STAP1: variants seen among roughly 807,000 people sequenced by gnomAD.
STAP1 encodes signal transducing adaptor family member 1.
Under a neutral mutation model 37.8 loss-of-function variants are expected in STAP1, and 30 were observed. The observed-to-expected ratio is 0.79, with a 90% CI of 0.59 to 1.08. The LOEUF (loss-of-function observed/expected upper bound fraction) is 1.08, where lower values mean the gene tolerates loss of function less well. Among genes scored for constraint, STAP1 ranks in the 50% least tolerant of loss-of-function variants. The probability of loss-of-function intolerance (pLI) is 0.00; values close to 1 mark genes in which losing one functional copy is unlikely to be tolerated. For synonymous variants in STAP1, 130 were observed against 116.0 expected, an observed-to-expected ratio of 1.12 and a Z score of -0.78; for missense variants, 357 against 349.4, an observed-to-expected ratio of 1.02 and a Z score of -0.17.
chr4:67,602,757 C>G (rs1288054658), intron 8 of STAP1, among the ~76,000 whole-genome samples: 1 of 152,152 alleles, frequency 6.6e-6, no homozygotes, highest in Non-Finnish European at 1.5e-5. Context: ...GCTGAGCTGC[C>G]TGGAGCTGGG....
At chr4:67,592,725 C>A (rs111364907) in intron 7 of STAP1, among the ~76,000 whole-genome samples, 181 of 152,242 alleles carry the variant, frequency 1.2e-3, no homozygotes, top group African/African-American at 4.1e-3. Context: ...TACCCTGTCA[C>A]CCAGGCTGGG....
At chr4:67,575,311 T>G (rs1246400652) in intron 2 of STAP1, 74 bp from the exon 3 acceptor site, 1 of 944,018 alleles carries the variant, frequency 1.1e-6, no homozygotes, top group African/African-American at 1.7e-5. Flanking sequence ...AGATATTACT[T>G]ATTTTGCTTC....
intron 8 of STAP1, among the ~76,000 whole-genome samples, chr4:67,597,110 C>T (rs1422352955): frequency 6.6e-6 from 1 of 152,180 alleles, no homozygotes; most frequent in Non-Finnish European, 1.5e-5. Context: ...GTGGGCTGGA[C>T]CCAGGGCCCC....
chr4:67,589,912 G>A (rs1057304669), intron 6 of STAP1, among the ~76,000 whole-genome samples: 13 of 151,606 alleles, frequency 8.6e-5, no homozygotes, highest in East Asian at 3.9e-4. Flanking sequence ...GCAATGATTC[G>A]CCCACCTAAC....
At chr4:67,591,667 G>T (rs1728121752) in intron 7 of STAP1, among the ~76,000 whole-genome samples, 1 of 152,202 alleles carries the variant, frequency 6.6e-6, no homozygotes, top group African/African-American at 2.4e-5. Context: ...GGTGGGTCTT[G>T]AAGATATTTA....
At chr4:67,597,100 G>T (rs559667357) in intron 8 of STAP1, among the ~76,000 whole-genome samples, 1 of 152,326 alleles carries the variant, frequency 6.6e-6, no homozygotes, top group Admixed American at 6.5e-5. Context: ...AAATAGTTTT[G>T]TGGGCTGGAC....
rs368496413 is a variant in STAP1 at position 67,573,213 on chromosome 4, A to G, written c.192+2058A>G. Reference sequence around the variant, plus strand: ...AGAAGAGATTAGGACAATGGATGAAAATTGGAGGAAAGTTGTGGCTTAATA... The same window carrying G: ...AGAAGAGATTAGGACAATGGATGAAGATTGGAGGAAAGTTGTGGCTTAATA... On this transcript the variant is annotated intron_variant, in intron 2 of 8. Transcript: ENST00000265404. Among the ~76,000 whole-genome samples, 244 of 152,296 alleles carry G rather than the reference A, an allele frequency of 1.6e-3. 1 individual carries two copies. The highest frequency in any genetic ancestry group is 4.2e-3 in the African/African-American group (175 of 41,558).
At chr4:67,599,893 C>T (rs898903451) in intron 8 of STAP1, among the ~76,000 whole-genome samples, 12 of 152,134 alleles carry the variant, frequency 7.9e-5, no homozygotes, top group African/African-American at 2.9e-4. Context: ...CCACCTGCCT[C>T]GGACTCCCAA....
chr4:67,567,300 T>G (rs1335715671), intron 1 of STAP1, among the ~76,000 whole-genome samples: 1 of 152,210 alleles, frequency 6.6e-6, no homozygotes. Context: ...TGTTCTTTTC[T>G]ATGGTAATTT....
At chr4:67,595,842 C>T (rs1728213512) in intron 8 of STAP1, among the ~76,000 whole-genome samples, 1 of 152,188 alleles carries the variant, frequency 6.6e-6, no homozygotes, top group African/African-American at 2.4e-5. Flanking sequence ...TATGTCGAAT[C>T]TGTTGATTAG....
chr4:67,600,549 G>A (rs982679554), intron 8 of STAP1, among the ~76,000 whole-genome samples: 1 of 152,032 alleles, frequency 6.6e-6, no homozygotes, highest in Non-Finnish European at 1.5e-5. Flanking sequence ...TATGTCCGAT[G>A]TTTGTTGATT....
chr4:67,606,984 G>T lies in STAP1; in HGVS notation c.*627G>T, dbSNP rs140531999. On this transcript the variant is annotated 3_prime_UTR_variant, in exon 9 of 9. Transcript: ENST00000265404. ...TGAAAGGCTGTATCATCATCTTGTCGTAAGTACGATGAGCCTGATTATAAG... is the reference window on the plus strand; with the variant it reads ...TGAAAGGCTGTATCATCATCTTGTCTTAAGTACGATGAGCCTGATTATAAG... 1 of 152,092 alleles carries T rather than the reference G, an allele frequency of 6.6e-6. No individual in the cohort carries two copies. The highest frequency in any genetic ancestry group is 1.5e-5 in the Non-Finnish European group (1 of 68,026). The allele number at this position is 152,092 out of a possible 1,614,324, so 9.4% of individuals were successfully genotyped here. A position where few individuals can be genotyped will look rare whatever the true frequency, so the allele number is the denominator to read the frequency against.
rs57396377 is a variant in STAP1 at position 67,598,101 on chromosome 4, G to A, written c.826+4745G>A. On this transcript the variant is annotated intron_variant, in intron 8 of 8. Coordinates refer to ENST00000265404, the MANE Select transcript of STAP1 (RefSeq NM_012108.4). Reference sequence around the variant, plus strand: ...TGTTGAGGGAGGGATCTGGTGGGAGGTGATTGGATCATGGGGGCAGTTTCT... The same window carrying A: ...TGTTGAGGGAGGGATCTGGTGGGAGATGATTGGATCATGGGGGCAGTTTCT... Among the ~76,000 whole-genome samples the A allele has an allele frequency of 7.9e-3, 1,196 of 152,226 alleles. 9 individuals are homozygous for A. Among genetic ancestry groups the A allele is most frequent in the African/African-American group, 0.028 (1,150 of 41,516 alleles).
intron 8 of STAP1, among the ~76,000 whole-genome samples, chr4:67,602,685 T>C (rs1239280970): frequency 6.6e-6 from 1 of 152,150 alleles, no homozygotes; most frequent in Non-Finnish European, 1.5e-5. Context: ...TTCTCTTCCC[T>C]TACTTTCCCC....
intron 5 of STAP1, among the ~76,000 whole-genome samples, chr4:67,582,510 G>A (rs1280855212): frequency 1.3e-5 from 2 of 151,908 alleles, no homozygotes; most frequent in African/African-American, 4.8e-5. Context: ...GTTTTGCCAT[G>A]TTGCCCAGGC....
intron 1 of STAP1, among the ~76,000 whole-genome samples, chr4:67,566,376 T>C (rs926665732): frequency 6.6e-6 from 1 of 152,210 alleles, no homozygotes; most frequent in African/African-American, 2.4e-5. Flanking sequence ...ATTGACAAAT[T>C]ATCAATGTGC....
chr4:67,597,701 C>A (rs113552683), intron 8 of STAP1, among the ~76,000 whole-genome samples: 14 of 152,318 alleles, frequency 9.2e-5, no homozygotes, highest in African/African-American at 3.1e-4. Flanking sequence ...TATTTTGGAG[C>A]TTTAAGATTT....
chr4:67,600,865 T>G (rs952341828), intron 8 of STAP1, among the ~76,000 whole-genome samples: 3 of 152,200 alleles, frequency 2.0e-5, no homozygotes, highest in Admixed American at 2.0e-4. Context: ...ATGTCTGTCT[T>G]TATACGTGAA....
chr4:67,585,613 T>C (rs1727963423), intron 6 of STAP1, among the ~76,000 whole-genome samples: 1 of 152,256 alleles, frequency 6.6e-6, no homozygotes, highest in Admixed American at 6.5e-5. Context: ...GTTTCATTAT[T>C]TTTTGTTTAT....
Sources: gnomAD v4.1 joint callset for allele counts (sites outside exome capture counted in the v4.1 genomes callset) on GRCh38, gnomAD v4.1.1 for gene constraint, MANE v1.5 for transcripts, NCBI Gene and HGNC (gene_info 2026-07-23, HGNC 2026-07-21) for gene names.